ZNF804A: variants seen among roughly 807,000 people sequenced by gnomAD.
ZNF804A encodes the protein zinc finger protein 804A.
A neutral mutation model predicts 16.5 loss-of-function variants in ZNF804A; 2 were observed. That is an observed-to-expected ratio of 0.12 (90% confidence interval 0.05 to 0.38). ZNF804A has a LOEUF of 0.38. Ranked by LOEUF, ZNF804A falls within the 10% of genes least tolerant of loss-of-function variation. The pLI is 0.99. For synonymous variants in ZNF804A, 534 were observed against 489.6 expected (o/e 1.09, Z -1.20); for missense variants, 1,473 against 1,390.7 (o/e 1.06, Z -0.94).
chr2:184,727,422 A>G (rs1438419192), intron 1 of ZNF804A, among the ~76,000 whole-genome samples: 2 of 151,658 alleles, frequency 1.3e-5, no homozygotes, highest in Non-Finnish European at 3.0e-5. Context: ...CTCTTCCTGC[A>G]GGAATGAAAT....
intron 1 of ZNF804A, among the ~76,000 whole-genome samples, chr2:184,764,077 T>C (rs1694082227): frequency 6.6e-6 from 1 of 152,180 alleles, no homozygotes; most frequent in South Asian, 2.1e-4. Context: ...TTCAATTATT[T>C]TTTTAAAGGA....
rs1685737869 is a variant in ZNF804A at position 184,933,530 on chromosome 2, A to G, written c.256-73A>G. The G allele has an allele frequency of 4.2e-6, 6 of 1,432,244 alleles. No individual in the cohort carries two copies. The South Asian group carries it at 8.4e-5, about 20-fold the overall frequency. The allele number at this position is 1,432,244 out of a possible 1,614,324, so 88.7% of individuals were successfully genotyped here. A position where few individuals can be genotyped will look rare whatever the true frequency, so the allele number is the denominator to read the frequency against. On this transcript the variant is annotated intron_variant, in intron 2 of 3. Coordinates refer to ENST00000302277, the MANE Select transcript of ZNF804A (RefSeq NM_194250.2). ...AAAGATGATGCATTGGAAAATTTCA[A>G]CAATAACAATGAAACTTTAAAACTA...
chr2:184,722,044 G>A lies in ZNF804A; in HGVS notation c.111+122974G>A, dbSNP rs537340063. Among the ~76,000 whole-genome samples, 53 of 152,032 alleles carry A rather than the reference G, an allele frequency of 3.5e-4. 1 individual carries two copies. The highest frequency in any genetic ancestry group is 1.3e-3 in the African/African-American group (53 of 41,506). On this transcript the variant is annotated intron_variant, in intron 1 of 3. Coordinates refer to ENST00000302277, the MANE Select transcript of ZNF804A (RefSeq NM_194250.2). ...GGGAGCTAAAAGAGTTGTTCTCATC[G>A]AGGTAGAGAGTGGAATGATAGACAC...
In ZNF804A at chr2:184,715,097, C is replaced by G. The variant is rs141696660; in HGVS notation, c.111+116027C>G. On this transcript the variant is annotated intron_variant, in intron 1 of 3. Transcript: ENST00000302277. ...AGTAGCCTAAGGAAAATCTTGGACA[C>G]TTTTTCACAAAATTGCAAAAGGTTC... is the stretch of plus-strand genomic sequence containing the variant. Among the ~76,000 whole-genome samples the G allele has an allele frequency of 9.0e-3, 1,376 of 152,152 alleles. 22 individuals carry two copies. The highest frequency in any genetic ancestry group is 0.032 in the African/African-American group (1,316 of 41,530).
At chr2:184,787,087 G>C (rs1288367834) in intron 1 of ZNF804A, among the ~76,000 whole-genome samples, 1 of 151,812 alleles carries the variant, frequency 6.6e-6, no homozygotes, top group African/African-American at 2.4e-5. Context: ...TACCCAATAG[G>C]TAATTTTTCA....
At chr2:184,802,280 T>A (rs1382089501) in intron 1 of ZNF804A, among the ~76,000 whole-genome samples, 2 of 152,220 alleles carry the variant, frequency 1.3e-5, no homozygotes, top group African/African-American at 4.8e-5. Context: ...GCAAAGGCTG[T>A]CTACCCAAGT....
intron 1 of ZNF804A, among the ~76,000 whole-genome samples, chr2:184,821,924 G>T (rs537428513): frequency 6.0e-4 from 92 of 152,266 alleles, no homozygotes; most frequent in Middle Eastern, 6.8e-3. Flanking sequence ...AGATGCTGGC[G>T]AGGTTGTGGA....
chr2:184,712,333 C>T (rs1197759296), intron 1 of ZNF804A, among the ~76,000 whole-genome samples: 1 of 151,674 alleles, frequency 6.6e-6, no homozygotes, highest in Admixed American at 6.6e-5. Flanking sequence ...TTTTTTATTT[C>T]ATCCTTTTGA....
chr2:184,745,133 C>T (rs1464878502), intron 1 of ZNF804A, among the ~76,000 whole-genome samples: 3 of 151,714 alleles, frequency 2.0e-5, no homozygotes, highest in East Asian at 1.9e-4. Flanking sequence ...GTGTATTATA[C>T]CTATTTTTAC....
At chr2:184,889,265 G>A (rs1477229249) in intron 2 of ZNF804A, among the ~76,000 whole-genome samples, 1 of 151,320 alleles carries the variant, frequency 6.6e-6, no homozygotes, top group Non-Finnish European at 1.5e-5. Flanking sequence ...CTTGTTTTAA[G>A]GATCTGAAAA....
At chr2:184,888,418 C>A (rs982931559) in intron 2 of ZNF804A, among the ~76,000 whole-genome samples, 3 of 152,050 alleles carry the variant, frequency 2.0e-5, no homozygotes, top group Non-Finnish European at 4.4e-5. Context: ...ATGCAGAAAC[C>A]ATTTTCAGGA....
chr2:184,839,709 T>C (rs768025624), intron 1 of ZNF804A, among the ~76,000 whole-genome samples: 19 of 152,260 alleles, frequency 1.2e-4, no homozygotes, highest in Non-Finnish European at 2.1e-4. Flanking sequence ...AAGAATACAT[T>C]TAATAAGATT....
At chr2:184,922,550 G>T (rs191814980) in intron 2 of ZNF804A, among the ~76,000 whole-genome samples, 1 of 151,944 alleles carries the variant, frequency 6.6e-6, no homozygotes, top group Admixed American at 6.6e-5. Context: ...TCTGTGAGTT[G>T]TCTCTTCAGT....
Position 184,858,596 on chromosome 2 carries a change from T to C in ZNF804A, c.112-7773T>C, listed in dbSNP as rs139448503. On this transcript the variant is annotated intron_variant, in intron 1 of 3. Coordinates refer to ENST00000302277, the MANE Select transcript of ZNF804A (RefSeq NM_194250.2). ...CACTCCATCTTGACATGTATTTTGA[T>C]GTTTTAATTTACATATTTTAATAGT... is the stretch of plus-strand genomic sequence containing the variant. Among the ~76,000 whole-genome samples the C allele has an allele frequency of 2.4e-4, 37 of 152,218 alleles. 1 individual carries two copies. The East Asian group carries it at 7.1e-3, about 29-fold the overall frequency.
At chr2:184,613,311 T>A (rs1173982812) in intron 1 of ZNF804A, among the ~76,000 whole-genome samples, 2 of 152,260 alleles carry the variant, frequency 1.3e-5, no homozygotes, top group Non-Finnish European at 2.9e-5. Context: ...TTGCTCTCGC[T>A]GTCTCACTAC....
intron 1 of ZNF804A, among the ~76,000 whole-genome samples, chr2:184,607,083 A>G (rs781416305): frequency 2.6e-5 from 4 of 152,206 alleles, no homozygotes; most frequent in African/African-American, 7.2e-5. Context: ...ATACAGGTTT[A>G]CAATAACTTT....
intron 1 of ZNF804A, among the ~76,000 whole-genome samples, chr2:184,819,067 T>C (rs1029595320): frequency 9.9e-5 from 15 of 152,100 alleles, no homozygotes; most frequent in Non-Finnish European, 2.1e-4. Context: ...CAAGCAGACC[T>C]GATAGATATC....
chr2:184,740,436 A>G (rs1361849314), intron 1 of ZNF804A, among the ~76,000 whole-genome samples: 1 of 152,166 alleles, frequency 6.6e-6, no homozygotes, highest in African/African-American at 2.4e-5. Flanking sequence ...CTGCACTTTG[A>G]TTTTCTGATG....
At chr2:184,803,716 AG>A (rs1694758904) in intron 1 of ZNF804A, among the ~76,000 whole-genome samples, 1 of 152,168 alleles carries the variant, frequency 6.6e-6, no homozygotes, top group South Asian at 2.1e-4. Context: ...ACTTCAACAA[AG>A]GTCTAGGGAA....
Sources: allele counts gnomAD v4.1 joint callset (sites outside exome capture counted in the v4.1 genomes callset), GRCh38; gene constraint gnomAD v4.1.1; transcripts MANE v1.5; gene names NCBI Gene and HGNC (gene_info 2026-07-23, HGNC 2026-07-21).